The following CALN1 variants were observed in gnomAD, a reference collection of about 807,000 sequenced individuals.
CALN1 encodes the protein calcium-binding protein 8.
In CALN1, 17 loss-of-function variants were observed where a neutral mutation model predicts 30.6. That is an observed-to-expected ratio of 0.56 (90% CI 0.38 to 0.83). The LOEUF is 0.83. CALN1 is among the 40% of genes least tolerant of loss of function. CALN1 has a pLI of 0.00. For missense variants in CALN1, 291 were observed against 354.9 expected (o/e 0.82, Z 1.45); for synonymous variants, 156 against 131.4 (o/e 1.19, Z -1.28).
At chr7:72,271,873 C>A (rs1797017040) in intron 3 of CALN1, among the ~76,000 whole-genome samples, 1 of 151,416 alleles carries the variant, frequency 6.6e-6, no homozygotes, top group Non-Finnish European at 1.5e-5. Flanking sequence ...ACTAGCCTGG[C>A]CAACATGGTG....
chr7:72,266,167 C>G (rs902017383), intron 3 of CALN1, among the ~76,000 whole-genome samples: 8 of 151,838 alleles, frequency 5.3e-5, no homozygotes, highest in Non-Finnish European at 1.0e-4. Flanking sequence ...TACAATGTAC[C>G]CCCATCTCCT....
intron 5 of CALN1, among the ~76,000 whole-genome samples, chr7:72,005,408 A>G (rs1799719508): frequency 6.6e-6 from 1 of 152,146 alleles, no homozygotes. Context: ...GGCTCACTAC[A>G]GCCTGGAACT....
At chr7:71,877,374 AAG>A (rs1298721217) in intron 5 of CALN1, among the ~76,000 whole-genome samples, 10 of 152,196 alleles carry the variant, frequency 6.6e-5, no homozygotes, top group African/African-American at 2.4e-4. Context: ...AGCAAAACAA[AAG>A]AGAGTATAAA....
At chr7:72,494,722 C>G in the CALN1 span, among the ~76,000 whole-genome samples, 1 of 151,966 alleles carries the variant, frequency 6.6e-6, no homozygotes, top group African/African-American at 2.4e-5. Context: ...TTTTAATTAC[C>G]CAGGTATAGT....
At chr7:72,409,363 G>A (rs73133137) in intron 1 of CALN1, among the ~76,000 whole-genome samples, 1,753 of 151,184 alleles carry the variant, frequency 0.012, 20 homozygotes, top group South Asian at 0.043. Flanking sequence ...GGCCACAGAG[G>A]CTGAAATGAT....
chr7:71,996,081 C>T (rs1799238677), intron 5 of CALN1, among the ~76,000 whole-genome samples: 1 of 152,088 alleles, frequency 6.6e-6, no homozygotes, highest in Non-Finnish European at 1.5e-5. Flanking sequence ...TAATAGAGCA[C>T]CATAAAGGCA....
chr7:72,104,985 A>T (rs115169042), intron 4 of CALN1, among the ~76,000 whole-genome samples: 311 of 152,216 alleles, frequency 2.0e-3, no homozygotes, highest in African/African-American at 6.7e-3. Context: ...AAATACAATT[A>T]AAAAAATTAA....
intron 2 of CALN1, among the ~76,000 whole-genome samples, chr7:72,335,571 G>C (rs1008184244): frequency 6.6e-6 from 1 of 151,898 alleles, no homozygotes; most frequent in Non-Finnish European, 1.5e-5. Flanking sequence ...TATTCCCTGA[G>C]CCCAAAAAAG....
At chr7:72,170,409 G>A (rs962825754) in intron 3 of CALN1, among the ~76,000 whole-genome samples, 11 of 152,130 alleles carry the variant, frequency 7.2e-5, no homozygotes, top group Non-Finnish European at 1.3e-4. Flanking sequence ...GTCTTCGATC[G>A]TGACAAGGTC....
intron 5 of CALN1, among the ~76,000 whole-genome samples, chr7:71,947,069 G>A (rs1796442223): frequency 6.6e-6 from 1 of 152,118 alleles, no homozygotes; most frequent in Non-Finnish European, 1.5e-5. Flanking sequence ...GGAGTGAAGT[G>A]GCGTGATTTC....
chr7:71,809,242 G>A (rs1007986364), intron 6 of CALN1, among the ~76,000 whole-genome samples: 1 of 151,816 alleles, frequency 6.6e-6, no homozygotes, highest in African/African-American at 2.4e-5. Context: ...TTTAATGCTG[G>A]GTCCATGATG....
At chr7:71,901,618 T>A (rs1418855085) in intron 5 of CALN1, among the ~76,000 whole-genome samples, 2 of 151,974 alleles carry the variant, frequency 1.3e-5, no homozygotes, top group Non-Finnish European at 2.9e-5. Context: ...TAAAGTAACA[T>A]ACCTAAAGCC....
chr7:72,379,811 T>C (rs759058125), intron 2 of CALN1, among the ~76,000 whole-genome samples: 5 of 152,240 alleles, frequency 3.3e-5, no homozygotes, highest in Non-Finnish European at 5.9e-5. Context: ...TCTCTTAATA[T>C]GACTCTGATG....
chr7:71,889,647 T>C (rs537258595), intron 5 of CALN1, among the ~76,000 whole-genome samples: 1 of 152,226 alleles, frequency 6.6e-6, no homozygotes, highest in South Asian at 2.1e-4. Flanking sequence ...GATTTGTGAT[T>C]GTGTTGAAAA....
intron 3 of CALN1, among the ~76,000 whole-genome samples, chr7:72,177,432 C>T (rs1337781003): frequency 2.6e-5 from 4 of 152,062 alleles, no homozygotes; most frequent in Admixed American, 1.3e-4. Flanking sequence ...TCTCAAAGAG[C>T]TCAGGGTTCT....
chr7:71,869,132 CCATAAG>C (rs1339373693), intron 5 of CALN1, among the ~76,000 whole-genome samples: 3 of 152,066 alleles, frequency 2.0e-5, no homozygotes, highest in Non-Finnish European at 2.9e-5. Context: ...AGAAACTCTC[CCATAAG>C]GGTCTATATA....
chr7:72,093,988 G>T (rs1029721614), intron 4 of CALN1, among the ~76,000 whole-genome samples: 1 of 152,164 alleles, frequency 6.6e-6, no homozygotes, highest in African/African-American at 2.4e-5. Flanking sequence ...TCAACTTGAA[G>T]ACCATGAAGG....
intron 2 of CALN1, among the ~76,000 whole-genome samples, chr7:72,328,188 T>C (rs1801415970): frequency 6.6e-6 from 1 of 152,216 alleles, no homozygotes; most frequent in Non-Finnish European, 1.5e-5. Flanking sequence ...TTGGGCACCT[T>C]GTCAAAACAT....
chr7:71,915,182 C>T (rs1225636714), intron 5 of CALN1, among the ~76,000 whole-genome samples: 1 of 152,174 alleles, frequency 6.6e-6, no homozygotes, highest in African/African-American at 2.4e-5. Context: ...CCTAATCTCA[C>T]CCCCTTAGGG....
Sources: gnomAD v4.1 joint callset for allele counts (sites outside exome capture counted in the v4.1 genomes callset) on GRCh38, gnomAD v4.1.1 for gene constraint, MANE v1.5 for transcripts, NCBI Gene and HGNC (gene_info 2026-07-23, HGNC 2026-07-21) for gene names.